The following MYO18A variants were observed in gnomAD, a reference collection of about 807,000 sequenced individuals.
MYO18A encodes the protein unconventional myosin-XVIIIa.
Under a neutral mutation model 235.8 loss-of-function variants are expected in MYO18A, and 78 were observed. The ratio of observed to expected loss-of-function variants is 0.33; its 90% CI spans 0.28 to 0.40. MYO18A has a LOEUF of 0.40. MYO18A is among the 10% of genes least tolerant of loss of function. MYO18A has a pLI of 1.00. For synonymous variants in MYO18A, 977 were observed against 1,077.8 expected (o/e 0.91, Z 1.83); for missense variants, 2,215 against 2,699.3 (o/e 0.82, Z 3.98).
rs74428798 is a variant in MYO18A, at chr17:29,120,306, G to A, written c.1728+310C>T. Among the ~76,000 whole-genome samples, 333 of 152,318 alleles carry A rather than the reference G, an allele frequency of 2.2e-3. 1 individual carries two copies. The highest frequency in any genetic ancestry group is 7.3e-3 in the African/African-American group (303 of 41,548). On this transcript the variant is annotated intron_variant, in intron 7 of 41. Coordinates refer to ENST00000527372, the MANE Select transcript of MYO18A (RefSeq NM_078471.4). The surrounding 1 kb of genome is among the most constrained non-coding windows in gnomAD (Gnocchi z 4.2). ...TCTGCTAGGTGAAATCGGCCCGAGA[G>A]AAGCCCCGAGCATGAATCTCAGAAA...
Position 29,125,865 on chromosome 17 carries a change from T to A in MYO18A, c.1000-3612A>T. ...CCTCAGGAAGAGGGCGGCCAGGGAC[T>A]GGGACCCACACACAAGAGTGGCATT... On this transcript the variant is annotated intron_variant, in intron 2 of 41. Transcript: ENST00000527372. This position sits in a 1 kb window ranked among gnomAD's most constrained non-coding sequence, Gnocchi z 5.1. 1 of 983,010 alleles carries A rather than the reference T, an allele frequency of 1.0e-6. No homozygotes were observed. The highest frequency in any genetic ancestry group is 4.7e-5 in the South Asian group (1 of 21,244). The allele number at this position is 983,010 out of a possible 1,614,324, so 60.9% of individuals were successfully genotyped here.
Position 29,121,062 on chromosome 17 carries a change from G to A in MYO18A, c.1521C>T (p.Ser507=). ...LGSSGSGKTT[S]CQHLVQYLAT... is the part of the protein sequence containing the mutation. Reference sequence around the variant, plus strand: ...CCAGGTACTGCACCAGATGCTGGCAGCTGGTGGTCTTGCCACTGCCACTAC... The same window carrying A: ...CCAGGTACTGCACCAGATGCTGGCAACTGGTGGTCTTGCCACTGCCACTAC... The change falls in exon 6 of 42, where the codon AGC becomes AGT. Residue 507 remains serine (S), a synonymous_variant. Coordinates refer to ENST00000527372, the MANE Select transcript of MYO18A (RefSeq NM_078471.4). The surrounding 1 kb of genome is among the most constrained non-coding windows in gnomAD (Gnocchi z 4.2). 6.2e-7 allele frequency: 1 copy of A among 1,612,922 alleles called. No individual in the cohort carries two copies. Among genetic ancestry groups the A allele is most frequent in the Non-Finnish European group, 8.5e-7 (1 of 1,179,530 alleles).
At position 29,120,670 on chromosome 17, in the gene MYO18A, C is replaced by A. The variant is rs939434975; in HGVS notation, c.1674G>T (p.Gln558His). Residue 558 changes from glutamine (Q) to histidine (H), a missense_variant, in exon 7 of 42, where the codon CAG (glutamine) becomes CAT (histidine). Coordinates refer to ENST00000527372, the MANE Select transcript of MYO18A (RefSeq NM_078471.4). This position sits in a 1 kb window ranked among gnomAD's most constrained non-coding sequence, Gnocchi z 4.2. ...CTTGGTCAAAGTCCAGGGAGAGGATCTGGGAGAAGCGGGTGGCATTGCCAT... is the reference window on the plus strand; with the variant it reads ...CTTGGTCAAAGTCCAGGGAGAGGATATGGGAGAAGCGGGTGGCATTGCCAT... ...IINGNATRFS[Q>H]ILSLDFDQAG... The A allele has an allele frequency of 3.7e-6, 6 of 1,614,004 alleles. No individual in the cohort carries two copies. The highest frequency in any genetic ancestry group is 5.1e-6 in the Non-Finnish European group (6 of 1,179,882).
At chr17:29,115,620 T>G (rs2067040523) in intron 12 of MYO18A, 44 bp downstream of exon 12, 1 of 1,542,662 alleles carries the variant, frequency 6.5e-7, no homozygotes, top group Admixed American at 2.0e-5. Flanking sequence ...AAGCCCCAGA[T>G]GAGGCCTCAC....
intron 1 of MYO18A, among the ~76,000 whole-genome samples, chr17:29,179,940 T>TC (rs2068611702): frequency 6.6e-6 from 1 of 150,578 alleles, no homozygotes; most frequent in Non-Finnish European, 1.5e-5. Context: ...GCAGGAGAAG[T>TC]CCCCCCACCC....
chr17:29,147,879 G>C (rs1197048856), intron 2 of MYO18A, among the ~76,000 whole-genome samples: 1 of 132,848 alleles, frequency 7.5e-6, no homozygotes, highest in Non-Finnish European at 1.6e-5. Flanking sequence ...CTGCACTCCA[G>C]CCTGGGTGAC....
chr17:29,102,089 GATGTGAGCAGGCACCCA>G (rs1285478129), intron 21 of MYO18A, among the ~76,000 whole-genome samples: 1 of 152,188 alleles, frequency 6.6e-6, no homozygotes. Flanking sequence ...TCCCAAACTA[GATGTGAGCAGGCACCCA>G]ATGTTGACCC....
chr17:29,175,826 G>A (rs142440467), intron 1 of MYO18A, among the ~76,000 whole-genome samples: 3,197 of 152,222 alleles, frequency 0.021, 106 homozygotes, highest in African/African-American at 0.072. Flanking sequence ...TTGGGAGGCC[G>A]AGGCAGGTGG....
At chr17:29,153,214 G>A (rs2067994949) in intron 2 of MYO18A, among the ~76,000 whole-genome samples, 2 of 152,150 alleles carry the variant, frequency 1.3e-5, no homozygotes, top group Non-Finnish European at 1.5e-5. Context: ...CAAACTCCTG[G>A]GCTCAAGCAA....
At chr17:29,085,294 G>T (rs1052570837) in intron 40 of MYO18A, among the ~76,000 whole-genome samples, 1 of 152,226 alleles carries the variant, frequency 6.6e-6, no homozygotes, top group African/African-American at 2.4e-5. Context: ...TTTTGAGGGA[G>T]GAATGTGCTG....
rs1055259776 is a variant in MYO18A, at chr17:29,098,760, A to C, written c.3780+66T>G. The C allele has an allele frequency of 8.2e-6, 13 of 1,587,042 alleles. No homozygotes were observed. The African/African-American group carries it at 1.6e-4, about 20-fold the overall frequency. On this transcript the variant is annotated intron_variant, in intron 23 of 41. Transcript: ENST00000527372. ...TGGACTAAACGAAGAAGCGCCTGGA[A>C]GCCCAAGATAAACCAGCAAGGCTTC...
Position 29,118,188 on chromosome 17 carries a change from G to A in MYO18A, c.1895C>T (p.Pro632Leu). 6.3e-7 allele frequency: 1 copy of A among 1,598,472 alleles called. No homozygotes were observed. The highest frequency in any genetic ancestry group is 8.5e-7 in the Non-Finnish European group (1 of 1,171,570). ...NVFGIVPLAKPEEKQKAAQQF... is the reference protein window; with the variant it reads ...NVFGIVPLAKLEEKQKAAQQF... ...CTGAGCTGCCTTCTGCTTTTCCTCA[G>A]GCTGTGGAGATAGATGACCTCAAAG... The change falls in exon 10 of 42, where the codon CCT (proline) becomes CTT (leucine). Residue 632 changes from proline to leucine, a missense_variant and splice_region_variant. Transcript: ENST00000527372. This position sits in a 1 kb window ranked among gnomAD's most constrained non-coding sequence, Gnocchi z 4.2.
At chr17:29,154,344 G>T (rs879838377) in intron 2 of MYO18A, among the ~76,000 whole-genome samples, 2 of 152,102 alleles carry the variant, frequency 1.3e-5, no homozygotes, top group Non-Finnish European at 2.9e-5. Flanking sequence ...TTGGGGTGAG[G>T]TGGTCAGGCT....
intron 41 of MYO18A, chr17:29,081,036 C>G: frequency 1.0e-6 from 1 of 979,232 alleles, no homozygotes; most frequent in Non-Finnish European, 1.2e-6. Flanking sequence ...ATGCGAGAAC[C>G]AGACGTGGAT....
chr17:29,173,116 C>T (rs1171861891), intron 1 of MYO18A, among the ~76,000 whole-genome samples: 2 of 144,520 alleles, frequency 1.4e-5, no homozygotes, highest in Non-Finnish European at 3.0e-5. Flanking sequence ...TTTTTTGAGA[C>T]GGAGTTTCGC....
chr17:29,136,263 A>G, intron 2 of MYO18A, among the ~76,000 whole-genome samples: 1 of 144,252 alleles, frequency 6.9e-6, no homozygotes, highest in South Asian at 2.1e-4. Flanking sequence ...ATATATATAT[A>G]TATATATATA....
chr17:29,122,902 A>C (rs1486623106), intron 2 of MYO18A, among the ~76,000 whole-genome samples: 1 of 152,164 alleles, frequency 6.6e-6, no homozygotes, highest in Non-Finnish European at 1.5e-5. Context: ...CTCCTTCTCC[A>C]TGCCGCCATC....
At chr17:29,095,897 G>A (rs1598293757) in intron 28 of MYO18A, among the ~76,000 whole-genome samples, 1 of 152,306 alleles carries the variant, frequency 6.6e-6, no homozygotes, top group East Asian at 1.9e-4. Context: ...GTGCTCAGAA[G>A]GGGGGTCGAG....
intron 41 of MYO18A, among the ~76,000 whole-genome samples, chr17:29,081,383 A>G (rs2066119189): frequency 6.6e-6 from 1 of 152,218 alleles, no homozygotes; most frequent in Non-Finnish European, 1.5e-5. Flanking sequence ...ATTATCTGCA[A>G]TAACAAAATG....
Sources: allele counts gnomAD v4.1 joint callset (sites outside exome capture counted in the v4.1 genomes callset), GRCh38; gene constraint gnomAD v4.1.1; non-coding constraint Gnocchi (gnomAD v3.1); transcripts MANE v1.5; gene names NCBI Gene and HGNC (gene_info 2026-07-23, HGNC 2026-07-21).